The following NEGR1 variants were observed in gnomAD, a reference collection of about 807,000 sequenced individuals.
The protein encoded by NEGR1 is neuronal growth regulator 1.
A neutral mutation model predicts 40.9 loss-of-function variants in NEGR1; 10 were observed. The ratio of observed to expected loss-of-function variants is 0.24; its 90% CI spans 0.15 to 0.42. NEGR1 has a LOEUF of 0.42. Ranked by LOEUF, NEGR1 falls within the 10% of genes least tolerant of loss-of-function variation. The pLI is 1.00. For synonymous variants in NEGR1, 185 were observed against 166.8 expected (o/e 1.11, Z -0.84); for missense variants, 352 against 438.9 (o/e 0.80, Z 1.77).
chr1:71,938,770 A>G (rs1645933333), intron 1 of NEGR1, among the ~76,000 whole-genome samples: 1 of 152,156 alleles, frequency 6.6e-6, no homozygotes, highest in Non-Finnish European at 1.5e-5. Flanking sequence ...ATGATAAAGC[A>G]TGCGCATGAA....
intron 3 of NEGR1, among the ~76,000 whole-genome samples, chr1:71,727,617 G>C (rs1205212046): frequency 1.3e-5 from 2 of 152,140 alleles, no homozygotes; most frequent in African/African-American, 4.8e-5. Context: ...CTTCTGTGCT[G>C]TGGTGCAAGC....
intron 6 of NEGR1, among the ~76,000 whole-genome samples, chr1:71,559,472 A>C (rs1024708005): frequency 6.6e-6 from 1 of 151,470 alleles, no homozygotes; most frequent in African/African-American, 2.4e-5. Context: ...TGTGTTTCTC[A>C]AATATCCTGT....
At chr1:71,917,139 C>T (rs540942445) in intron 2 of NEGR1, among the ~76,000 whole-genome samples, 1 of 152,164 alleles carries the variant, frequency 6.6e-6, no homozygotes, top group Non-Finnish European at 1.5e-5. Context: ...CCAATGGCTA[C>T]TCATAAATGT....
At chr1:72,224,435 T>C (rs1348576350) in intron 1 of NEGR1, among the ~76,000 whole-genome samples, 2 of 152,058 alleles carry the variant, frequency 1.3e-5, no homozygotes, top group African/African-American at 4.8e-5. Context: ...CCTTGCATAT[T>C]TGTGGGAAAA....
At chr1:72,269,587 G>A (rs909297418) in intron 1 of NEGR1, among the ~76,000 whole-genome samples, 1 of 151,646 alleles carries the variant, frequency 6.6e-6, no homozygotes. Flanking sequence ...GCTTCTATGA[G>A]GTTGTTTCCC....
chr1:71,679,876 T>C (rs1195459528), intron 4 of NEGR1, among the ~76,000 whole-genome samples: 1 of 152,106 alleles, frequency 6.6e-6, no homozygotes, highest in Non-Finnish European at 1.5e-5. Flanking sequence ...AGAGTTTTTA[T>C]GATAATATGT....
At chr1:72,018,663 G>C (rs900320711) in intron 1 of NEGR1, among the ~76,000 whole-genome samples, 1 of 152,098 alleles carries the variant, frequency 6.6e-6, no homozygotes, top group Non-Finnish European at 1.5e-5. Context: ...GCAAGCCTAG[G>C]GAAAAGAAAC....
intron 6 of NEGR1, among the ~76,000 whole-genome samples, chr1:71,507,034 G>A (rs907882090): frequency 6.6e-6 from 1 of 152,174 alleles, no homozygotes; most frequent in African/African-American, 2.4e-5. Context: ...ACAAAGCAGG[G>A]TCTAATAAAT....
At chr1:71,825,309 C>T (rs966738965) in intron 2 of NEGR1, among the ~76,000 whole-genome samples, 1 of 151,916 alleles carries the variant, frequency 6.6e-6, no homozygotes, top group Non-Finnish European at 1.5e-5. Flanking sequence ...CTTCAGAAAA[C>T]AGTCTGAGTT....
chr1:71,969,822 G>A (rs1570564993), intron 1 of NEGR1, among the ~76,000 whole-genome samples: 1 of 152,176 alleles, frequency 6.6e-6, no homozygotes, highest in African/African-American at 2.4e-5. Context: ...ATAAGATGAT[G>A]ACATCAAGTC....
chr1:72,121,835 G>T (rs1423066298), intron 1 of NEGR1, among the ~76,000 whole-genome samples: 1 of 151,950 alleles, frequency 6.6e-6, no homozygotes, highest in African/African-American at 2.4e-5. Context: ...GTCTCATTGT[G>T]TTAGCACCTC....
At chr1:71,993,417 C>T (rs926875325) in intron 1 of NEGR1, among the ~76,000 whole-genome samples, 1 of 152,118 alleles carries the variant, frequency 6.6e-6, no homozygotes, top group African/African-American at 2.4e-5. Context: ...CTCCATGTCT[C>T]TCTCTATGCA....
intron 1 of NEGR1, among the ~76,000 whole-genome samples, chr1:72,180,656 G>A (rs774754349): frequency 7.2e-5 from 11 of 151,898 alleles, no homozygotes; most frequent in Non-Finnish European, 1.5e-4. Context: ...CAAATTTCCC[G>A]AACAGACATT....
At chr1:71,917,561 C>T (rs1446588683) in intron 2 of NEGR1, among the ~76,000 whole-genome samples, 6 of 151,716 alleles carry the variant, frequency 4.0e-5, no homozygotes, top group Admixed American at 3.9e-4. Context: ...GAGGCGGAGG[C>T]GGGCGGATCA....
In NEGR1 at chr1:71,396,421, C is replaced by G. The variant is rs1008118401; in HGVS notation, c.*11025G>C. 3 of 152,132 alleles carry G rather than the reference C, an allele frequency of 2.0e-5. No homozygotes were observed. The highest frequency in any genetic ancestry group is 2.0e-4 in the Admixed American group (3 of 15,272). 9.4% of individuals were successfully genotyped at this position (152,132 alleles called of 1,614,324 possible). A position where few individuals can be genotyped will look rare whatever the true frequency, so the allele number is the denominator to read the frequency against. ...TGAACATTTCAGGTTATCTGAGAAACGTTAAGGTCAACCACTTTTCAGTGT... is the reference window on the plus strand; with the variant it reads ...TGAACATTTCAGGTTATCTGAGAAAGGTTAAGGTCAACCACTTTTCAGTGT... On this transcript the variant is annotated 3_prime_UTR_variant, in exon 7 of 7. Coordinates refer to ENST00000357731, the MANE Select transcript of NEGR1 (RefSeq NM_173808.3).
At chr1:72,020,694 A>G (rs1283199963) in intron 1 of NEGR1, among the ~76,000 whole-genome samples, 1 of 152,216 alleles carries the variant, frequency 6.6e-6, no homozygotes, top group African/African-American at 2.4e-5. Flanking sequence ...GACGACTACA[A>G]CAACCACCAC....
chr1:71,733,072 CTT>C (rs1157020972), intron 3 of NEGR1, among the ~76,000 whole-genome samples: 28 of 140,446 alleles, frequency 2.0e-4, no homozygotes, highest in African/African-American at 5.4e-4. Flanking sequence ...CAGGATAGCT[CTT>C]TTTTTTTTTT....
At chr1:71,894,182 C>A (rs556861697) in intron 2 of NEGR1, among the ~76,000 whole-genome samples, 14 of 141,068 alleles carry the variant, frequency 9.9e-5, no homozygotes, top group Non-Finnish European at 1.1e-4. Context: ...TGTAACTAAC[C>A]TGCACAATGT....
At chr1:71,564,122 A>G (rs1648545879) in intron 6 of NEGR1, among the ~76,000 whole-genome samples, 1 of 152,082 alleles carries the variant, frequency 6.6e-6, no homozygotes. Context: ...TTAGAAATGC[A>G]GACTCTCAGG....
Sources: gnomAD v4.1 joint callset for allele counts (sites outside exome capture counted in the v4.1 genomes callset) on GRCh38, gnomAD v4.1.1 for gene constraint, MANE v1.5 for transcripts, NCBI Gene and HGNC (gene_info 2026-07-23, HGNC 2026-07-21) for gene names.